Variants in RABL3 observed in about 807,000 individuals in gnomAD.
The protein encoded by RABL3 is RAB, member of RAS oncogene family like 3.
Under a neutral mutation model 31.8 loss-of-function variants are expected in RABL3, and 31 were observed. The ratio of observed to expected loss-of-function variants is 0.97; its 90% CI spans 0.73 to 1.31. The LOEUF is 1.31. Among genes scored for constraint, RABL3 ranks in the 40% most tolerant of loss-of-function variants. The pLI, the probability that RABL3 is intolerant of heterozygous loss-of-function variation, is 0.00. For missense variants in RABL3, 263 were observed against 279.6 expected (o/e 0.94, Z 0.42); for synonymous variants, 97 against 99.9 (o/e 0.97, Z 0.18).
chr3:120,739,608 A>G (rs1184030613), intron 1 of RABL3, among the ~76,000 whole-genome samples: 3 of 152,150 alleles, frequency 2.0e-5, no homozygotes, highest in African/African-American at 7.2e-5. Context: ...GTGTAATTGA[A>G]TCAAACATTT....
intron 2 of RABL3, among the ~76,000 whole-genome samples, chr3:120,719,726 C>T (rs924254122): frequency 7.2e-5 from 11 of 152,312 alleles, no homozygotes; most frequent in African/African-American, 1.9e-4. Flanking sequence ...TGGAGCCCAC[C>T]GCAGCTCAAG....
intron 4 of RABL3, among the ~76,000 whole-genome samples, chr3:120,701,127 T>C (rs190315162): frequency 8.5e-5 from 13 of 152,284 alleles, no homozygotes; most frequent in Admixed American, 5.2e-4. Context: ...TTCTTTCTTA[T>C]ACAATAGGAG....
At chr3:120,726,552 C>A (rs1445323419) in intron 2 of RABL3, among the ~76,000 whole-genome samples, 3 of 152,014 alleles carry the variant, frequency 2.0e-5, no homozygotes, top group Non-Finnish European at 1.5e-5. Flanking sequence ...ACCAGCCTAG[C>A]CAACATGGCA....
intron 5 of RABL3, among the ~76,000 whole-genome samples, chr3:120,696,798 T>C (rs899258906): frequency 6.6e-6 from 1 of 152,232 alleles, no homozygotes; most frequent in Non-Finnish European, 1.5e-5. Context: ...TATATCTATA[T>C]AGCAAGAATC....
chr3:120,725,321 A>C (rs1708804505), intron 2 of RABL3, among the ~76,000 whole-genome samples: 1 of 152,216 alleles, frequency 6.6e-6, no homozygotes, highest in Admixed American at 6.5e-5. Flanking sequence ...GGATGTGGAG[A>C]AATAGGAACA....
chr3:120,729,589 C>T (rs145718095), intron 2 of RABL3, among the ~76,000 whole-genome samples: 1 of 152,080 alleles, frequency 6.6e-6, no homozygotes, highest in East Asian at 1.9e-4. Context: ...AGGATCAGGA[C>T]ATTTTGGAAA....
intron 6 of RABL3, 35 bp from the exon 7 acceptor site, chr3:120,690,522 C>T (rs1034443447): frequency 6.5e-7 from 1 of 1,543,588 alleles, no homozygotes. Flanking sequence ...GCTTAGCACA[C>T]ATACCTGCAA....
At chr3:120,721,256 G>C (rs1237552689) in intron 2 of RABL3, among the ~76,000 whole-genome samples, 1 of 152,138 alleles carries the variant, frequency 6.6e-6, no homozygotes, top group Non-Finnish European at 1.5e-5. Flanking sequence ...GACCATCGAG[G>C]CTAGGAAGAA....
At chr3:120,712,994 T>C (rs567827949) in intron 2 of RABL3, among the ~76,000 whole-genome samples, 204 of 152,234 alleles carry the variant, frequency 1.3e-3, no homozygotes, top group Non-Finnish European at 2.1e-3. Context: ...TAGGTGATTC[T>C]GATACATGAT....
At chr3:120,712,364 T>C (rs1708622023) in intron 2 of RABL3, among the ~76,000 whole-genome samples, 1 of 152,094 alleles carries the variant, frequency 6.6e-6, no homozygotes, top group African/African-American at 2.4e-5. Context: ...CAAAAATAAC[T>C]TATAATATGT....
intron 4 of RABL3, 39 bp downstream of exon 4, chr3:120,705,961 T>C (rs781389670): frequency 8.5e-7 from 1 of 1,181,404 alleles, no homozygotes. Context: ...ATTCCTGTGA[T>C]TGCTACAATC....
At chr3:120,707,712 G>T (rs1348299237) in intron 3 of RABL3, among the ~76,000 whole-genome samples, 3 of 152,034 alleles carry the variant, frequency 2.0e-5, no homozygotes, top group African/African-American at 7.2e-5. Context: ...AATTTTGGAC[G>T]GGGGAGTAAA....
At chr3:120,702,589 A>G (rs1048200513) in intron 4 of RABL3, among the ~76,000 whole-genome samples, 2 of 146,502 alleles carry the variant, frequency 1.4e-5, no homozygotes, top group African/African-American at 5.1e-5. Flanking sequence ...ACGGAGTCTC[A>G]CTCTGTTGCC....
At chr3:120,735,214 A>T (rs1347507002) in intron 1 of RABL3, among the ~76,000 whole-genome samples, 1 of 141,694 alleles carries the variant, frequency 7.1e-6, no homozygotes, top group East Asian at 2.0e-4. Context: ...TATTGCCTCA[A>T]TTTCCAAGCC....
Position 120,696,071 on chromosome 3 carries a change from G to A in RABL3, c.535-1847C>T, listed in dbSNP as rs190780936. On this transcript the variant is annotated intron_variant, in intron 5 of 7. Coordinates refer to ENST00000273375, the MANE Select transcript of RABL3 (RefSeq NM_173825.5). ...CTAGGGAAGATACTTCAATATGATC[G>A]CTTCAAAGTAAATACGTAACAGAGA... Among the ~76,000 whole-genome samples the A allele has an allele frequency of 5.3e-4, 81 of 152,238 alleles. No individual in the cohort carries two copies. In the South Asian group the frequency reaches 6.4e-3, roughly 12 times the overall value.
At chr3:120,729,659 T>G (rs1381693557) in intron 2 of RABL3, among the ~76,000 whole-genome samples, 1 of 152,050 alleles carries the variant, frequency 6.6e-6, no homozygotes, top group African/African-American at 2.4e-5. Flanking sequence ...TATAGGTACT[T>G]GGAATGAAAA....
At chr3:120,739,738 G>A (rs1709019399) in intron 1 of RABL3, among the ~76,000 whole-genome samples, 1 of 152,096 alleles carries the variant, frequency 6.6e-6, no homozygotes, top group African/African-American at 2.4e-5. Flanking sequence ...CTTTTAGGAT[G>A]TATTGTTGAT....
rs1273819908 is a variant in RABL3 at position 120,689,310 on chromosome 3, G to A, written c.*513C>T. On this transcript the variant is annotated 3_prime_UTR_variant, in exon 8 of 8. Transcript: ENST00000273375. ...ATTAGGCATTCCTGTGTGTGACAAT[G>A]GTGGAGACAATTAAATAACACCATT... The A allele has an allele frequency of 1.3e-5, 2 of 152,256 alleles. No individual in the cohort carries two copies. Among genetic ancestry groups the A allele is most frequent in the Admixed American group, 6.5e-5 (1 of 15,276 alleles). 9.4% of individuals were successfully genotyped at this position (152,256 alleles called of 1,614,324 possible). A position where few individuals can be genotyped will look rare whatever the true frequency, so the allele number is the denominator to read the frequency against.
intron 3 of RABL3, among the ~76,000 whole-genome samples, 163 bp from the exon 4 acceptor site, chr3:120,706,277 A>G (rs1198038355): frequency 6.6e-6 from 1 of 152,150 alleles, no homozygotes; most frequent in East Asian, 1.9e-4. Flanking sequence ...TTTTCTCTAC[A>G]AATATTTATA....
Sources: gnomAD v4.1 joint callset for allele counts (sites outside exome capture counted in the v4.1 genomes callset) on GRCh38, gnomAD v4.1.1 for gene constraint, MANE v1.5 for transcripts, NCBI Gene and HGNC (gene_info 2026-07-23, HGNC 2026-07-21) for gene names.